Variants in SNED1 observed in about 807,000 individuals in gnomAD.
SNED1 encodes the protein sushi, nidogen and EGF like domains 1.
SNED1 carries 81 observed loss-of-function variants against 166.7 expected under a neutral mutation model. The observed-to-expected ratio is 0.49, with a 90% CI of 0.41 to 0.58. The LOEUF (loss-of-function observed/expected upper bound fraction) is 0.58. Ranked by LOEUF, SNED1 falls within the 20% of genes least tolerant of loss-of-function variation. The pLI is 0.00. For missense variants in SNED1, 1,604 were observed against 2,000.2 expected, an observed-to-expected ratio of 0.80 and a Z score of 3.78; for synonymous variants, 762 against 822.0, an observed-to-expected ratio of 0.93 and a Z score of 1.25.
chr2:241,001,903 G>T (rs2060088264), intron 1 of SNED1, among the ~76,000 whole-genome samples: 1 of 152,132 alleles, frequency 6.6e-6, no homozygotes, highest in African/African-American at 2.4e-5. Context: ...AGGCAAGAAG[G>T]AGGAATGTGG....
intron 16 of SNED1, among the ~76,000 whole-genome samples, chr2:241,061,854 CAAAAAAAA>C (rs1008386547): frequency 8.5e-6 from 1 of 118,112 alleles, no homozygotes; most frequent in Non-Finnish European, 1.9e-5. Context: ...TCCATCCCCC[CAAAAAAAA>C]AAAAAGAAAA....
chr2:241,009,117 G>A (rs1340715670), intron 1 of SNED1, among the ~76,000 whole-genome samples: 1 of 152,188 alleles, frequency 6.6e-6, no homozygotes, highest in Non-Finnish European at 1.5e-5. Context: ...GGGGAGTGGG[G>A]GACAGACCAG....
Position 241,052,041 on chromosome 2 carries a change from G to T in SNED1, c.1853G>T (p.Gly618Val). ...ACCCTGACCTGGCTTCTGTTTCCAG[G>T]GAAGCCAGACTCGTGTGCCTCTGGC... ...YRFTGRHCEIGKPDSCASGPC... is the reference protein window; with the variant it reads ...YRFTGRHCEIVKPDSCASGPC... Residue 618 changes from glycine to valine, a missense_variant and splice_region_variant, in exon 14 of 32, where the codon GGG becomes GTG. This residue lies in a region of SNED1 where 1,237 missense variants were observed against 1,620.8 expected (regional missense o/e 0.76). Coordinates refer to ENST00000310397, the MANE Select transcript of SNED1 (RefSeq NM_001080437.3). 1 of 1,612,986 alleles carries T rather than the reference G, an allele frequency of 6.2e-7. No individual in the cohort carries two copies.
chr2:241,042,250 T>C (rs924900409), intron 8 of SNED1, among the ~76,000 whole-genome samples: 4 of 152,144 alleles, frequency 2.6e-5, no homozygotes, highest in African/African-American at 9.7e-5. Flanking sequence ...TAGAAAGCAG[T>C]AAGTCAAACA....
Position 241,065,545 on chromosome 2 carries a change from G to A in SNED1, c.2960G>A (p.Ser987Asn). 1 of 1,612,874 alleles carries A rather than the reference G, an allele frequency of 6.2e-7. No homozygotes were observed. Among genetic ancestry groups the A allele is most frequent in the Non-Finnish European group, 8.5e-7 (1 of 1,179,850 alleles). ...NISVFSVKRNSNNKNDISRPA... is the reference protein window; with the variant it reads ...NISVFSVKRNNNNKNDISRPA... ...TCCGTCTTCTCAGTGAAGCGAAACA[G>A]TAACAACAAGAATGACATCAGCAGG... Residue 987 changes from serine (S) to asparagine (N), a missense_variant, in exon 21 of 32, where the codon AGT (serine) becomes AAT (asparagine). Physicochemically the swap from Ser to Asn is conservative, Grantham distance 46. Around this residue, in one of 2 missense-constraint regions of SNED1, gnomAD observed 1,237 missense variants for 1,620.8 expected, o/e 0.76. Coordinates refer to ENST00000310397, the MANE Select transcript of SNED1 (RefSeq NM_001080437.3).
intron 20 of SNED1, 74 bp from the exon 21 acceptor site, chr2:241,065,225 C>T (rs958846088): frequency 3.3e-5 from 49 of 1,503,988 alleles, no homozygotes; most frequent in African/African-American, 2.5e-4. Flanking sequence ...CCGGCTGAGC[C>T]GCCGACGGGA....
At position 241,071,648 on chromosome 2, in the gene SNED1, C is replaced by T. The variant is rs768530377; in HGVS notation, c.3662C>T (p.Pro1221Leu). The change falls in exon 25 of 32, where the codon CCC becomes CTC. Residue 1221 changes from proline to leucine, a missense_variant. This residue lies in a region of SNED1 where 367 missense variants were observed against 379.4 expected (regional missense o/e 0.97). Transcript: ENST00000310397. Reference sequence around the variant, plus strand: ...CCTCGGGTGCTCAAGAACAGACCGCCCCCGGCGCGCCTGCCGGAGCTGCGC... The same window carrying T: ...CCTCGGGTGCTCAAGAACAGACCGCTCCCGGCGCGCCTGCCGGAGCTGCGC... Reference protein sequence around the residue: ...HHPRVLKNRPPPARLPELRLL... With the variant: ...HHPRVLKNRPLPARLPELRLL... 5.7e-6 allele frequency: 9 copies of T among 1,573,416 alleles called. No homozygotes were observed. The highest frequency in any genetic ancestry group is 6.9e-6 in the Non-Finnish European group (8 of 1,166,892).
rs202088266 is a variant in SNED1 at position 241,095,074 on chromosome 2, C to CT, written c.*3438_*3439insT. On this transcript the variant is annotated 3_prime_UTR_variant, in exon 32 of 32. Transcript: ENST00000310397. ...TAAGGTGACACGCCCCCCCCCCCCC[C>CT]CACACCCACCTTGGGGGGTCACGGA... is the stretch of plus-strand genomic sequence containing the variant. 7.8e-6 allele frequency: 1 copy of CT among 128,322 alleles called. No individual in the cohort carries two copies. Among genetic ancestry groups the CT allele is most frequent in the Non-Finnish European group, 1.7e-5 (1 of 59,330 alleles). The allele number at this position is 128,322 out of a possible 1,614,324, so 7.9% of individuals were successfully genotyped here. A position where few individuals can be genotyped will look rare whatever the true frequency, so the allele number is the denominator to read the frequency against.
At chr2:241,009,316 G>A (rs1021352790) in intron 1 of SNED1, among the ~76,000 whole-genome samples, 10 of 152,174 alleles carry the variant, frequency 6.6e-5, no homozygotes, top group African/African-American at 1.9e-4. Flanking sequence ...AAGGGCAGGT[G>A]TGGACACCCA....
intron 8 of SNED1, 62 bp downstream of exon 8, chr2:241,040,475 C>G: frequency 9.6e-7 from 1 of 1,036,876 alleles, no homozygotes. Flanking sequence ...GTGAACACCC[C>G]CATAGCCACT....
At chr2:241,052,297 C>G (rs1245762982) in intron 14 of SNED1, 58 bp from the exon 15 acceptor site, 1 of 1,491,226 alleles carries the variant, frequency 6.7e-7, no homozygotes, top group Non-Finnish European at 9.2e-7. Flanking sequence ...GGATGCCCCA[C>G]ACAGTCCCGA....
At chr2:241,036,640 C>T in intron 4 of SNED1, 150 bp from the exon 5 acceptor site, 1 of 1,031,096 alleles carries the variant, frequency 9.7e-7, no homozygotes, top group Non-Finnish European at 1.4e-6. Context: ...TAAAGTGAAA[C>T]CTGAAACCTG....
chr2:241,084,595 T>C (rs2063493587), intron 29 of SNED1, among the ~76,000 whole-genome samples: 1 of 152,246 alleles, frequency 6.6e-6, no homozygotes, highest in Admixed American at 6.5e-5. Flanking sequence ...TATCAGACTT[T>C]TTCCTTCCAC....
intron 8 of SNED1, among the ~76,000 whole-genome samples, chr2:241,043,379 A>G (rs2061565754): frequency 6.6e-6 from 1 of 152,198 alleles, no homozygotes; most frequent in African/African-American, 2.4e-5. Flanking sequence ...GAAAGAAAAA[A>G]CCATCAACCT....
intron 27 of SNED1, chr2:241,074,777 T>C (rs990566568): frequency 6.6e-6 from 1 of 152,248 alleles, no homozygotes; most frequent in Non-Finnish European, 1.5e-5. Context: ...TATTTAGTTA[T>C]TAGCCTTTGA....
rs762779564 is a variant in SNED1 at position 241,088,354 on chromosome 2, A to G, written c.4206-11A>G. On this transcript the variant is annotated splice_polypyrimidine_tract_variant and intron_variant, in intron 30 of 31. Coordinates refer to ENST00000310397, the MANE Select transcript of SNED1 (RefSeq NM_001080437.3). ...CTTTTTCATTAAACGACTTTTCTCT[A>G]ATTATTTCAGGAAACAAAGTAAGAG... 8 of 1,602,510 alleles carry G rather than the reference A, an allele frequency of 5.0e-6. 1 individual carries two copies. The South Asian group carries it at 8.8e-5, about 18-fold the overall frequency.
rs1385152707 is a variant in SNED1, at chr2:241,064,045, A to G, written c.2519A>G (p.His840Arg). ...GCCTGCGACTCCAGCCCCTGCCAGCATGGAGGCCGGTGTGAGAGCGGCGGC... is the reference window on the plus strand; with the variant it reads ...GCCTGCGACTCCAGCCCCTGCCAGCGTGGAGGCCGGTGTGAGAGCGGCGGC... ...VDACDSSPCQ[H>R]GGRCESGGGA... Residue 840 changes from histidine (H) to arginine (R), a missense_variant, in exon 19 of 32, where the codon CAT becomes CGT. His to Arg is a conservative substitution (Grantham distance 29). Transcript: ENST00000310397. This position sits in a 1 kb window ranked among gnomAD's most constrained non-coding sequence, Gnocchi z 7.0. 2.6e-6 allele frequency: 4 copies of G among 1,560,450 alleles called. No individual in the cohort carries two copies. The highest frequency in any genetic ancestry group is 2.4e-5 in the South Asian group (2 of 84,618).
At chr2:240,998,541 C>A (rs1445245213), upstream of SNED1, among the ~76,000 whole-genome samples, 2 of 152,050 alleles carry the variant, frequency 1.3e-5, no homozygotes, top group African/African-American at 4.8e-5. Flanking sequence ...CTTTAAGAGA[C>A]GCCCGATTTG....
chr2:241,044,505 A>G (rs770385037), intron 8 of SNED1, among the ~76,000 whole-genome samples: 1 of 152,218 alleles, frequency 6.6e-6, no homozygotes, highest in Non-Finnish European at 1.5e-5. Flanking sequence ...AAGAAGACCA[A>G]GCTTCGAAGT....
Sources: allele counts gnomAD v4.1 joint callset (sites outside exome capture counted in the v4.1 genomes callset), GRCh38; gene constraint gnomAD v4.1.1; regional missense constraint gnomAD v4.1.1; non-coding constraint Gnocchi (gnomAD v3.1); transcripts MANE v1.5; gene names NCBI Gene and HGNC (gene_info 2026-07-23, HGNC 2026-07-21).